Variants in NPAS3 observed in about 807,000 individuals in gnomAD.
NPAS3 encodes neuronal PAS domain-containing protein 3.
In NPAS3, 14 loss-of-function variants were observed where a neutral mutation model predicts 73.1. The observed-to-expected ratio is 0.19, with a 90% confidence interval of 0.13 to 0.30. NPAS3 has a LOEUF of 0.30. Among genes scored for constraint, NPAS3 ranks in the 10% least tolerant of loss-of-function variants. The probability of loss-of-function intolerance (pLI) is 1.00; values close to 1 mark genes in which losing one functional copy is unlikely to be tolerated. For missense variants in NPAS3, 1,096 were observed against 1,250.0 expected, an observed-to-expected ratio of 0.88 and a Z score of 1.86; for synonymous variants, 620 against 541.5, an observed-to-expected ratio of 1.14 and a Z score of -2.01.
chr14:33,607,009 A>G (rs774119596), intron 5 of NPAS3, among the ~76,000 whole-genome samples: 1 of 152,368 alleles, frequency 6.6e-6, no homozygotes, highest in Non-Finnish European at 1.5e-5. Context: ...AATGCAGATT[A>G]AAACTACAGT....
intron 3 of NPAS3, among the ~76,000 whole-genome samples, chr14:33,273,313 C>T (rs1419492119): frequency 6.6e-6 from 1 of 152,196 alleles, no homozygotes; most frequent in Non-Finnish European, 1.5e-5. Context: ...ACAGGGGCCT[C>T]TCTCAACCTT....
Position 33,696,503 on chromosome 14 carries a change from C to T in NPAS3, c.733+20118C>T, listed in dbSNP as rs944702016. Among the ~76,000 whole-genome samples, 9 of 152,270 alleles carry T rather than the reference C, an allele frequency of 5.9e-5. No individual in the cohort carries two copies. The South Asian group carries it at 8.3e-4, about 14-fold the overall frequency. ...TCATTTGAAAAGCTCAGTAGAGTAA[C>T]GCATTCGGTAAATAGTGCAGCATTA... On this transcript the variant is annotated intron_variant, in intron 6 of 11. Transcript: ENST00000356141.
At chr14:33,283,949 G>A (rs955285515) in intron 3 of NPAS3, among the ~76,000 whole-genome samples, 4 of 152,200 alleles carry the variant, frequency 2.6e-5, no homozygotes, top group South Asian at 4.2e-4. Context: ...CTCCTATCAG[G>A]TTCAGAAGAC....
intron 1 of NPAS3, among the ~76,000 whole-genome samples, chr14:32,950,933 T>A (rs2036458872): frequency 6.6e-6 from 1 of 152,132 alleles, no homozygotes; most frequent in Non-Finnish European, 1.5e-5. Context: ...TCAATCTTTG[T>A]GTACAACAAT....
chr14:33,186,398 A>C (rs971136657), intron 2 of NPAS3, among the ~76,000 whole-genome samples: 2 of 152,236 alleles, frequency 1.3e-5, no homozygotes, highest in African/African-American at 4.8e-5. Flanking sequence ...AGTATTTTTT[A>C]AAGTGAATCT....
intron 2 of NPAS3, among the ~76,000 whole-genome samples, chr14:33,116,378 A>G (rs1055462552): frequency 2.0e-5 from 3 of 152,154 alleles, no homozygotes; most frequent in Admixed American, 2.0e-4. Flanking sequence ...CAGGATGAGC[A>G]TGTGTTGTAA....
intron 4 of NPAS3, among the ~76,000 whole-genome samples, chr14:33,457,393 A>G (rs796306399): frequency 6.6e-6 from 1 of 152,346 alleles, no homozygotes; most frequent in African/African-American, 2.4e-5. Context: ...TTTTACTGCA[A>G]GACCTCAAAG....
rs553824618 is a variant in NPAS3, at chr14:33,444,055, T to A, written c.468+76787T>A. 7.9e-5 allele frequency among the ~76,000 whole-genome samples: 12 copies of A among 152,352 alleles called. No homozygotes were observed. In the South Asian group the frequency reaches 1.0e-3, roughly 13 times the overall value. ...ACATTTGTATTTTTTTCCATTTTAG[T>A]AGAAGAAATTTACACTTTGTCTTTT... On this transcript the variant is annotated intron_variant, in intron 4 of 11. Coordinates refer to ENST00000356141, the Ensembl canonical transcript of NPAS3.
chr14:33,245,970 A>G (rs1458967419), intron 3 of NPAS3, among the ~76,000 whole-genome samples: 2 of 152,078 alleles, frequency 1.3e-5, no homozygotes, highest in African/African-American at 2.4e-5. Context: ...GATCCTTAAA[A>G]ACAAAGTCTT....
At chr14:32,999,168 C>T (rs1443863658) in intron 1 of NPAS3, among the ~76,000 whole-genome samples, 1 of 152,058 alleles carries the variant, frequency 6.6e-6, no homozygotes, top group East Asian at 1.9e-4. Context: ...TTTTCTATAT[C>T]TTGATTTACA....
intron 1 of NPAS3, among the ~76,000 whole-genome samples, chr14:33,026,248 G>C (rs1412739890): frequency 1.3e-5 from 2 of 152,224 alleles, no homozygotes; most frequent in Non-Finnish European, 2.9e-5. Context: ...TCCCAGCCTA[G>C]ATGCCACTTT....
At chr14:33,532,326 T>TA (rs2054082366) in intron 4 of NPAS3, among the ~76,000 whole-genome samples, 2 of 152,142 alleles carry the variant, frequency 1.3e-5, no homozygotes, top group South Asian at 4.1e-4. Flanking sequence ...GTCGAGCTTT[T>TA]GCCCCAGCTG....
At chr14:33,103,425 G>A (rs1021835188) in intron 2 of NPAS3, among the ~76,000 whole-genome samples, 4 of 152,158 alleles carry the variant, frequency 2.6e-5, no homozygotes, top group Non-Finnish European at 5.9e-5. Flanking sequence ...GCTTACTTAA[G>A]TGGTGTTACT....
chr14:33,440,955 T>C (rs1246774862), intron 4 of NPAS3, among the ~76,000 whole-genome samples: 3 of 152,064 alleles, frequency 2.0e-5, no homozygotes, highest in African/African-American at 7.2e-5. Context: ...GCACATCTTT[T>C]ATATTTGTTA....
intron 1 of NPAS3, among the ~76,000 whole-genome samples, chr14:33,034,954 T>C (rs1441585636): frequency 6.6e-6 from 1 of 152,230 alleles, no homozygotes; most frequent in Non-Finnish European, 1.5e-5. Flanking sequence ...TAAGATCATC[T>C]GTCAGTTTAT....
At chr14:33,418,845 A>C (rs995564506) in intron 4 of NPAS3, among the ~76,000 whole-genome samples, 2 of 151,896 alleles carry the variant, frequency 1.3e-5, no homozygotes, top group African/African-American at 4.8e-5. Flanking sequence ...GGCTTGTCCT[A>C]CTATATGCAA....
At chr14:33,079,336 T>TTTTTTTTTTTTTTTG (rs2041781665) in intron 2 of NPAS3, among the ~76,000 whole-genome samples, 1 of 149,940 alleles carries the variant, frequency 6.7e-6, no homozygotes, top group African/African-American at 2.5e-5. Context: ...TTTTTTTTTT[T>TTTTTTTTTTTTTTTG]GAGACAGAGT....
intron 3 of NPAS3, among the ~76,000 whole-genome samples, chr14:33,330,234 C>T (rs2043921574): frequency 6.6e-6 from 1 of 152,112 alleles, no homozygotes; most frequent in African/African-American, 2.4e-5. Flanking sequence ...CAGAGTGAGA[C>T]ACCATCTCAA....
intron 5 of NPAS3, among the ~76,000 whole-genome samples, chr14:33,586,632 AT>A (rs1219868447): frequency 5.3e-5 from 8 of 150,358 alleles, no homozygotes; most frequent in Non-Finnish European, 1.0e-4. Context: ...ACTAAGAATT[AT>A]TTTTTAATGC....
Sources: gnomAD v4.1 joint callset for allele counts (sites outside exome capture counted in the v4.1 genomes callset) on GRCh38, gnomAD v4.1.1 for gene constraint, MANE v1.5 for transcripts, NCBI Gene and HGNC (gene_info 2026-07-23, HGNC 2026-07-21) for gene names.